AARSD1: variants seen among roughly 807,000 people sequenced by gnomAD.
The protein encoded by AARSD1 is alanyl-tRNA editing protein Aarsd1.
In AARSD1, 44 loss-of-function variants were observed where a neutral mutation model predicts 48.7. The observed-to-expected ratio is 0.90, with a 90% confidence interval of 0.71 to 1.16. AARSD1 has a LOEUF of 1.16. Among genes scored for constraint, AARSD1 ranks in the 50% most tolerant of loss-of-function variants. The pLI, the probability that AARSD1 is intolerant of heterozygous loss-of-function variation, is 0.00. For synonymous variants in AARSD1, 189 were observed against 194.9 expected (o/e 0.97, Z 0.25); for missense variants, 511 against 523.1 (o/e 0.98, Z 0.23).
chr17:42,960,096 C>T (rs1393181492), intron 3 of AARSD1, among the ~76,000 whole-genome samples: 1 of 151,852 alleles, frequency 6.6e-6, no homozygotes, highest in Non-Finnish European at 1.5e-5. Flanking sequence ...TGGTGAAACA[C>T]CGTCTCTACT....
rs140303595 is a variant in AARSD1, at chr17:42,954,679, C to T, written c.953+197G>A. On this transcript the variant is annotated intron_variant, in intron 9 of 11. Coordinates refer to ENST00000427569, the MANE Select transcript of AARSD1 (RefSeq NM_001261434.2). ...CGAACTCCTGACCTTGTGATCCACC[C>T]GCCTCAGCCTCCCAAAGTGCTGGGA... 6.3e-4 allele frequency among the ~76,000 whole-genome samples: 96 copies of T among 152,198 alleles called. No individual in the cohort carries two copies. In the East Asian group the frequency reaches 0.015, roughly 24 times the overall value.
intron 3 of AARSD1, 55 bp downstream of exon 3, chr17:42,961,137 G>A (rs1298090667): frequency 2.8e-5 from 44 of 1,556,478 alleles, no homozygotes; most frequent in Non-Finnish European, 3.7e-5. Context: ...AGTCATCACA[G>A]CATCCCCATA....
rs765818573 is a variant in AARSD1, at chr17:42,964,196, C to G, written c.81G>C (p.Gln27His). ...TVVSCCPAEL[Q>H]TEGSNGKKEV... Reference sequence around the variant, plus strand: ...CTTTCTTGCCGTTGCTCCCTTCAGTCTGCAGCTCCGCGGGACAGCAGGAGA... The same window carrying G: ...CTTTCTTGCCGTTGCTCCCTTCAGTGTGCAGCTCCGCGGGACAGCAGGAGA... Residue 27 changes from glutamine to histidine, a missense_variant, in exon 2 of 12, where the codon CAG becomes CAC. Gln to His is a conservative substitution (Grantham distance 24, BLOSUM62 0). Transcript: ENST00000427569. The G allele has an allele frequency of 5.6e-6, 9 of 1,614,098 alleles. No individual in the cohort carries two copies. The highest frequency in any genetic ancestry group is 7.6e-6 in the Non-Finnish European group (9 of 1,180,054).
chr17:42,963,650 T>C (rs979191434), intron 2 of AARSD1, among the ~76,000 whole-genome samples: 4 of 152,086 alleles, frequency 2.6e-5, no homozygotes, highest in Non-Finnish European at 5.9e-5. Context: ...AATTCCTTCC[T>C]TGGGGCCTTT....
Position 42,961,192 on chromosome 17 carries a change from C to T in AARSD1, c.331G>A (p.Gly111Arg), listed in dbSNP as rs769126432. 2.5e-6 allele frequency: 4 copies of T among 1,609,328 alleles called. No individual in the cohort carries two copies. In the South Asian group the frequency reaches 3.3e-5, roughly 13 times the overall value. Residue 111 changes from glycine to arginine, a missense_variant and splice_region_variant, in exon 3 of 12, where the codon GGG (glycine) becomes AGG (arginine). By Grantham distance (125) the Gly-to-Arg change is moderately radical. Transcript: ENST00000427569. ...TTATGTCCCCCATCCCAGCCTTTAC[C>T]TGAATGCTGCTGCATGTGGTCAAAC... ...RRFDHMQQHS[G>R]QHLITAVADH...
intron 11 of AARSD1, 131 bp downstream of exon 11, chr17:42,951,669 C>A: frequency 2.1e-6 from 2 of 949,060 alleles, no homozygotes; most frequent in South Asian, 3.3e-5. Flanking sequence ...TATCTCTGCT[C>A]AGCCCACCTC....
chr17:42,955,790 T>G, intron 7 of AARSD1, 52 bp downstream of exon 7: 1 of 1,610,528 alleles, frequency 6.2e-7, no homozygotes, highest in South Asian at 1.1e-5. Context: ...TAAGAGATTA[T>G]GTCGAAAATC....
intron 3 of AARSD1, chr17:42,960,987 A>C: frequency 1.2e-6 from 1 of 811,064 alleles, no homozygotes. Context: ...TAAATCCAGC[A>C]GTTATTCTAA....
At chr17:42,951,504 G>A (rs1460217143) in intron 11 of AARSD1, among the ~76,000 whole-genome samples, 1 of 152,198 alleles carries the variant, frequency 6.6e-6, no homozygotes, top group Non-Finnish European at 1.5e-5. Flanking sequence ...AGTGAGCTGA[G>A]TAGCCTGGGC....
chr17:42,957,054 C>T (rs1020657971), intron 4 of AARSD1, 84 bp downstream of exon 4: 151 of 1,564,244 alleles, frequency 9.7e-5, no homozygotes, highest in Non-Finnish European at 1.1e-4. Flanking sequence ...TTAATCTCCC[C>T]GGCTCAAGCA....
At chr17:42,955,519 A>G in intron 7 of AARSD1, 1 of 448,492 alleles carries the variant, frequency 2.2e-6, no homozygotes, top group South Asian at 2.4e-5. Flanking sequence ...GCTCACTGCA[A>G]GCTCCACCTC....
chr17:42,952,737 A>G (rs958651991), intron 10 of AARSD1, among the ~76,000 whole-genome samples: 6 of 152,010 alleles, frequency 3.9e-5, no homozygotes, highest in Admixed American at 3.9e-4. Flanking sequence ...GACCATCAGG[A>G]GTGGGAAGAG....
At position 42,964,226 on chromosome 17, in the gene AARSD1, G is replaced by A. The variant is rs1053580119; in HGVS notation, c.51C>T (p.Thr17=). The change falls in exon 2 of 12, where the codon ACC becomes ACT. Residue 17 remains threonine (T), a synonymous_variant. Coordinates refer to ENST00000427569, the MANE Select transcript of AARSD1 (RefSeq NM_001261434.2). ...GCTCCGCGGGACAGCAGGAGACCAC[G>A]GTGGTGGTGAACTGAACAGAGAGGA... ...RDSYAREFTT[T]VVSCCPAELQ... The A allele has an allele frequency of 1.2e-6, 2 of 1,613,746 alleles. No homozygotes were observed. The highest frequency in any genetic ancestry group is 1.3e-5 in the African/African-American group (1 of 74,970).
chr17:42,955,740 C>T lies in AARSD1; in HGVS notation c.794+102G>A, dbSNP rs201477541. On this transcript the variant is annotated intron_variant, in intron 7 of 11. Coordinates refer to ENST00000427569, the MANE Select transcript of AARSD1 (RefSeq NM_001261434.2). ...ACAGATGTGGGCCACCACGCCTGGC[C>T]GCACTTTATCATTTACGATTGCATC... 1.6e-5 allele frequency: 25 copies of T among 1,562,028 alleles called. No individual in the cohort carries two copies. The East Asian group carries it at 1.8e-4, about 11-fold the overall frequency.
chr17:42,951,082 CG>C (rs1364037788), intron 11 of AARSD1, among the ~76,000 whole-genome samples: 1 of 152,088 alleles, frequency 6.6e-6, no homozygotes, highest in Non-Finnish European at 1.5e-5. Flanking sequence ...TGCTTGAACC[CG>C]GGAGGCAGAG....
At chr17:42,963,805 C>G (rs182278227) in intron 2 of AARSD1, among the ~76,000 whole-genome samples, 6 of 152,206 alleles carry the variant, frequency 3.9e-5, no homozygotes, top group Admixed American at 1.3e-4. Flanking sequence ...ACTCTCTTTC[C>G]CTTTACTTGG....
intron 10 of AARSD1, 144 bp downstream of exon 10, chr17:42,953,580 A>G: frequency 9.8e-7 from 1 of 1,024,906 alleles, no homozygotes; most frequent in Admixed American, 2.1e-5. Flanking sequence ...TATAGCTAGT[A>G]CTAAGAAAAC....
chr17:42,959,776 G>C (rs928969994), intron 3 of AARSD1, among the ~76,000 whole-genome samples: 2 of 151,506 alleles, frequency 1.3e-5, no homozygotes, highest in African/African-American at 2.4e-5. Context: ...CGATTCTCCT[G>C]TGTCAGCCTC....
At position 42,956,293 on chromosome 17, in the gene AARSD1, G is replaced by T; in HGVS notation, c.574C>A (p.His192Asn). 1 of 1,614,104 alleles carries T rather than the reference G, an allele frequency of 6.2e-7. No homozygotes were observed. Among genetic ancestry groups the T allele is most frequent in the Non-Finnish European group, 8.5e-7 (1 of 1,180,020 alleles). The change falls in exon 6 of 12, where the codon CAT becomes AAT. Residue 192 changes from histidine (H) to asparagine (N), a missense_variant. Coordinates refer to ENST00000427569, the MANE Select transcript of AARSD1 (RefSeq NM_001261434.2). ...QVSGRGLPDD[H>N]AGPIRVVNIE... is the part of the protein sequence containing the mutation. ...TTAACAACCCGAATGGGCCCAGCATGATCATCAGGCAAACCCCGGCCACTC... is the reference window on the plus strand; with the variant it reads ...TTAACAACCCGAATGGGCCCAGCATTATCATCAGGCAAACCCCGGCCACTC...
Sources: gnomAD v4.1 joint callset for allele counts (sites outside exome capture counted in the v4.1 genomes callset) on GRCh38, gnomAD v4.1.1 for gene constraint, MANE v1.5 for transcripts, NCBI Gene and HGNC (gene_info 2026-07-23, HGNC 2026-07-21) for gene names.